NDRG2: variants seen among roughly 807,000 people sequenced by gnomAD.
NDRG2 encodes the protein protein NDRG2.
Under a neutral mutation model 58.2 loss-of-function variants are expected in NDRG2, and 34 were observed. The observed-to-expected ratio is 0.58, with a 90% CI of 0.44 to 0.78. The LOEUF is 0.78. Among genes scored for constraint, NDRG2 ranks in the 30% least tolerant of loss-of-function variants. The pLI is 0.00. For missense variants in NDRG2, 434 were observed against 471.2 expected (o/e 0.92, Z 0.73); for synonymous variants, 187 against 175.9 (o/e 1.06, Z -0.50).
rs1412527636 is a variant in NDRG2, at chr14:21,017,619, G to A, written c.1093C>T (p.His365Tyr). 6.2e-7 allele frequency: 1 copy of A among 1,613,734 alleles called. No individual in the cohort carries two copies. The highest frequency in any genetic ancestry group is 1.3e-5 in the African/African-American group (1 of 75,058). ...SGTLSSGPPG[H>Y]TMEVSC Reference sequence around the variant, plus strand: ...ATTCAACAGGAGACCTCCATGGTGTGCCCCGGGGGCCCCGAAGAAAGAGTT... The same window carrying A: ...ATTCAACAGGAGACCTCCATGGTGTACCCCGGGGGCCCCGAAGAAAGAGTT... Residue 365 changes from histidine to tyrosine, a missense_variant, in exon 16 of 16, where the codon CAC becomes TAC. Transcript: ENST00000556147.
At chr14:21,030,557 T>C (rs1386685176), upstream of NDRG2, 1 of 1,609,990 alleles carries the variant, frequency 6.2e-7, no homozygotes, top group Non-Finnish European at 8.5e-7. Context: ...CTCCCACGAC[T>C]GCCCTCCCCG....
intron 1 of NDRG2, among the ~76,000 whole-genome samples, chr14:21,060,924 G>T (rs988712881): frequency 1.2e-4 from 18 of 152,122 alleles, no homozygotes; most frequent in African/African-American, 4.1e-4. Context: ...ATTTTCTTTT[G>T]TCCAAATAGC....
chr14:21,030,500 C>T, upstream of NDRG2: 2 of 1,418,874 alleles, frequency 1.4e-6, no homozygotes, highest in Non-Finnish European at 1.9e-6. Flanking sequence ...CACTCATCCT[C>T]ATTACTCCAC....
chr14:21,043,545 C>A, intron 1 of NDRG2: 2 of 942,450 alleles, frequency 2.1e-6, no homozygotes, highest in Non-Finnish European at 3.2e-6. Flanking sequence ...CCAGAGCATT[C>A]TCTTCCCCTC....
upstream of NDRG2, among the ~76,000 whole-genome samples, chr14:21,026,129 A>C (rs1194874389): frequency 6.6e-6 from 1 of 151,982 alleles, no homozygotes; most frequent in Non-Finnish European, 1.5e-5. Flanking sequence ...TTGCCACTGT[A>C]GACTTTACAC....
At chr14:21,025,165 C>T (rs1883249849), upstream of NDRG2, 1 of 939,460 alleles carries the variant, frequency 1.1e-6, no homozygotes. This position sits in a 1 kb window ranked among gnomAD's most constrained non-coding sequence, Gnocchi z 5.1. Context: ...CCGCCCCAGA[C>T]CCCCAGTAAA....
chr14:21,070,856 G>C lies in NDRG2; in HGVS notation c.-5C>G, dbSNP rs1322732235. The C allele has an allele frequency of 8.5e-6, 13 of 1,535,604 alleles. No individual in the cohort carries two copies. Among genetic ancestry groups the C allele is most frequent in the Non-Finnish European group, 1.1e-5 (13 of 1,146,842 alleles). On this transcript the variant is annotated 5_prime_UTR_variant, in exon 1 of 15. Transcript: ENST00000403829. This position sits in a 1 kb window ranked among gnomAD's most constrained non-coding sequence, Gnocchi z 4.7. ...CATGGAACCACCATTTTCCATCCCT[G>C]TCCCCAACCCGGTGAGGCAGGCCCA... is the stretch of plus-strand genomic sequence containing the variant.
chr14:21,061,986 CTT>C (rs1885987835), intron 1 of NDRG2, among the ~76,000 whole-genome samples: 1 of 152,168 alleles, frequency 6.6e-6, no homozygotes, highest in East Asian at 1.9e-4. Context: ...TAAAATATCT[CTT>C]TTAATGTTTA....
At position 21,017,551 on chromosome 14, in the gene NDRG2, G is replaced by T. The variant is rs761861297; in HGVS notation, c.*45C>A. 5 of 1,588,716 alleles carry T rather than the reference G, an allele frequency of 3.1e-6. No homozygotes were observed. In the Admixed American group the frequency reaches 5.2e-5, roughly 16 times the overall value. ...CTTCAGCACCTCCCAGGTTAGCTCT[G>T]GGGGAGGTGAGGGCTGGGTCCCACT... On this transcript the variant is annotated 3_prime_UTR_variant, in exon 16 of 16. Transcript: ENST00000556147.
In NDRG2 at chr14:21,070,582, C is replaced by T. The variant is rs1473935769; in HGVS notation, c.24+246G>A. ...TCTGCCCGACTGTTTAGCTCTGTCCCCACCGGGTATTGCCCTCACCCTTTC... is the reference window on the plus strand; with the variant it reads ...TCTGCCCGACTGTTTAGCTCTGTCCTCACCGGGTATTGCCCTCACCCTTTC... On this transcript the variant is annotated intron_variant, in intron 1 of 14. Coordinates refer to the NDRG2 transcript ENST00000403829. This position sits in a 1 kb window ranked among gnomAD's most constrained non-coding sequence, Gnocchi z 4.7. Among the ~76,000 whole-genome samples, 1 of 152,118 alleles carries T rather than the reference C, an allele frequency of 6.6e-6. No individual in the cohort carries two copies. The highest frequency in any genetic ancestry group is 1.5e-5 in the Non-Finnish European group (1 of 68,000).
intron 2 of NDRG2, 39 bp downstream of exon 2, chr14:21,023,202 C>A (rs1265822049): frequency 2.5e-6 from 4 of 1,572,160 alleles, no homozygotes; most frequent in Non-Finnish European, 3.5e-6. Flanking sequence ...GCTTAGAGGT[C>A]TGGAATTTGG....
chr14:21,031,267 C>A, intron 1 of NDRG2: 2 of 1,434,014 alleles, frequency 1.4e-6, no homozygotes, highest in Non-Finnish European at 1.9e-6. Flanking sequence ...AGAGACAGGG[C>A]CGAAACAGAC....
In NDRG2 at chr14:21,022,950, G is replaced by A. The variant is rs1474571202; in HGVS notation, c.76-45C>T. 2.5e-6 allele frequency: 4 copies of A among 1,610,688 alleles called. No homozygotes were observed. The African/African-American group carries it at 5.3e-5, about 22-fold the overall frequency. On this transcript the variant is annotated intron_variant, in intron 2 of 15. Coordinates refer to ENST00000556147, the MANE Select transcript of NDRG2 (RefSeq NM_001320329.2). The stretch of plus-strand genomic sequence containing the variant: ...TTCACACAGAAACACATGACCATGT[G>A]GCGTCCCAGATGGAGAGACAAACAG...
At chr14:21,022,250 A>C (rs1335074766) in intron 4 of NDRG2, 68 bp from the exon 5 acceptor site, 4 of 1,609,764 alleles carry the variant, frequency 2.5e-6, no homozygotes, top group Admixed American at 3.3e-5. Context: ...GTCAGAACTC[A>C]CCCTTCCTTT....
At position 21,070,283 on chromosome 14, in the gene NDRG2, G is replaced by A. The variant is rs1271640030; in HGVS notation, c.24+545C>T. On this transcript the variant is annotated intron_variant, in intron 1 of 14. Coordinates refer to the NDRG2 transcript ENST00000403829. This position sits in a 1 kb window ranked among gnomAD's most constrained non-coding sequence, Gnocchi z 4.7. ...CCGGAGCGGGCCGAGCCGCCACCGC[G>A]GCCGGAGCTGTCCCTTAGCCAGACC... 5 of 1,133,646 alleles carry A rather than the reference G, an allele frequency of 4.4e-6. No homozygotes were observed. In the African/African-American group the frequency reaches 4.9e-5, roughly 11 times the overall value. The allele number at this position is 1,133,646 out of a possible 1,614,324, so 70.2% of individuals were successfully genotyped here. A position where few individuals can be genotyped will look rare whatever the true frequency, so the allele number is the denominator to read the frequency against.
At chr14:21,025,524 T>C (rs1334123656), upstream of NDRG2, 2 of 985,206 alleles carry the variant, frequency 2.0e-6, no homozygotes, top group Non-Finnish European at 2.4e-6. This position sits in a 1 kb window ranked among gnomAD's most constrained non-coding sequence, Gnocchi z 5.1. Flanking sequence ...CACAGAGAAC[T>C]AGATTAAGAA....
At chr14:21,058,371 C>G (rs552309346) in intron 1 of NDRG2, 2 of 1,550,650 alleles carry the variant, frequency 1.3e-6, no homozygotes, top group Non-Finnish European at 1.8e-6. Context: ...CTGGTGCCCA[C>G]GTTCCACCTC....
chr14:21,069,343 A>G (rs1186085238), intron 1 of NDRG2, among the ~76,000 whole-genome samples: 1 of 151,904 alleles, frequency 6.6e-6, no homozygotes, highest in Admixed American at 6.5e-5. Context: ...ACCCATTCCC[A>G]TGGCCACGAG....
chr14:21,057,801 T>C, intron 1 of NDRG2: 1 of 1,127,860 alleles, frequency 8.9e-7, no homozygotes, highest in South Asian at 1.5e-5. Flanking sequence ...GCTTAGGGTA[T>C]GAAATTCTTA....
Sources: allele counts gnomAD v4.1 joint callset (sites outside exome capture counted in the v4.1 genomes callset), GRCh38; gene constraint gnomAD v4.1.1; non-coding constraint Gnocchi (gnomAD v3.1); transcripts MANE v1.5; gene names NCBI Gene and HGNC (gene_info 2026-07-23, HGNC 2026-07-21).